The following DHX57 variants were observed in gnomAD, a reference collection of about 807,000 sequenced individuals.
DHX57 encodes the protein DExH-box helicase 57, also known as putative ATP-dependent RNA helicase DHX57.
DHX57 carries 105 observed loss-of-function variants against 156.2 expected under a neutral mutation model. The observed-to-expected ratio is 0.67, with a 90% CI of 0.57 to 0.79. The LOEUF (loss-of-function observed/expected upper bound fraction) is 0.79. Among genes scored for constraint, DHX57 ranks in the 30% least tolerant of loss-of-function variants. DHX57 has a pLI of 0.00. For synonymous variants in DHX57, 704 were observed against 595.6 expected (o/e 1.18, Z -2.65); for missense variants, 1,847 against 1,661.9 (o/e 1.11, Z -1.94).
At position 38,806,449 on chromosome 2, in the gene DHX57, G is replaced by A. The variant is rs1484584499; in HGVS notation, c.3816+110C>T. The A allele has an allele frequency of 1.6e-5, 18 of 1,150,246 alleles. No homozygotes were observed. The Admixed American group carries it at 1.9e-4, about 12-fold the overall frequency. 71.3% of individuals were successfully genotyped at this position (1,150,246 alleles called of 1,614,324 possible). A position where few individuals can be genotyped will look rare whatever the true frequency, so the allele number is the denominator to read the frequency against. ...CTTATTCAATCTTCCCTCAGTCAGT[G>A]GTATTGCTGGGGACAGCAAGTGATA... On this transcript the variant is annotated intron_variant, in intron 22 of 23. Coordinates refer to ENST00000457308, the MANE Select transcript of DHX57 (RefSeq NM_198963.3).
At chr2:38,858,431 CTG>C (rs10573961) in intron 6 of DHX57, among the ~76,000 whole-genome samples, 84,019 of 151,876 alleles carry the variant, frequency 0.55, 24,851 homozygotes, top group East Asian at 0.81. Context: ...GCACATGACT[CTG>C]AGACTATTTG....
intron 21 of DHX57, among the ~76,000 whole-genome samples, chr2:38,810,087 G>A (rs1670163102): frequency 6.6e-6 from 1 of 151,504 alleles, no homozygotes; most frequent in Non-Finnish European, 1.5e-5. Context: ...TAGAGATGGG[G>A]TTTCACCATG....
chr2:38,804,242 G>A (rs1054224391), intron 22 of DHX57, among the ~76,000 whole-genome samples: 2 of 152,198 alleles, frequency 1.3e-5, no homozygotes, highest in Admixed American at 6.5e-5. Flanking sequence ...TGTAATCCCA[G>A]CACTTTGGGA....
rs763927385 is a variant in DHX57 at position 38,825,874 on chromosome 2, C to T, written c.2987G>A (p.Arg996Lys). 8 of 1,613,968 alleles carry T rather than the reference C, an allele frequency of 5.0e-6. No homozygotes were observed. The South Asian group carries it at 5.5e-5, about 11-fold the overall frequency. The change falls in exon 16 of 24, where the codon AGA (arginine) becomes AAA (lysine). Residue 996 changes from arginine to lysine, a missense_variant. Arg to Lys is a conservative substitution (Grantham distance 26, BLOSUM62 2). Coordinates refer to ENST00000457308, the MANE Select transcript of DHX57 (RefSeq NM_198963.3). ...LLKQQLPEIQ[R>K]VPLEQLCLRI... is the part of the protein sequence containing the mutation. ...TAGACACAGCTGTTCCAATGGCACT[C>T]TTTGTATTTCTGGTAGCTGTTGTTT...
intron 13 of DHX57, among the ~76,000 whole-genome samples, chr2:38,831,058 ACT>A (rs1229925200): frequency 2.0e-5 from 3 of 152,028 alleles, no homozygotes; most frequent in Non-Finnish European, 2.9e-5. Context: ...ACAAAGTGAA[ACT>A]CTGTCTCAAA....
intron 2 of DHX57, among the ~76,000 whole-genome samples, chr2:38,865,526 C>G (rs1357261699): frequency 6.6e-6 from 1 of 152,136 alleles, no homozygotes; most frequent in Non-Finnish European, 1.5e-5. Context: ...TTGGGTATGT[C>G]CTTATAGCAG....
At chr2:38,871,888 T>G (rs1486656981) in intron 1 of DHX57, among the ~76,000 whole-genome samples, 1 of 152,046 alleles carries the variant, frequency 6.6e-6, no homozygotes, top group Non-Finnish European at 1.5e-5. Flanking sequence ...TTTTGTATTT[T>G]TAGTAGAGAC....
At chr2:38,810,921 C>T (rs1670210992) in intron 21 of DHX57, 1 of 815,760 alleles carries the variant, frequency 1.2e-6, no homozygotes, top group East Asian at 2.7e-5. Flanking sequence ...CATTCAGGTA[C>T]ATGAAGAGCA....
At chr2:38,833,614 G>A (rs6746931) in intron 13 of DHX57, among the ~76,000 whole-genome samples, 16,510 of 152,104 alleles carry the variant, frequency 0.11, 950 homozygotes, top group African/African-American at 0.13. Flanking sequence ...GAAGGCTACC[G>A]GGATGGGAAG....
chr2:38,828,309 T>C, intron 14 of DHX57, 31 bp downstream of exon 14: 2 of 1,554,248 alleles, frequency 1.3e-6, no homozygotes, highest in Non-Finnish European at 1.8e-6. Flanking sequence ...CTGCAATGGA[T>C]GATTAAGAAT....
chr2:38,816,480 C>T (rs1256695168), intron 19 of DHX57, among the ~76,000 whole-genome samples: 15 of 151,820 alleles, frequency 9.9e-5, no homozygotes, highest in Admixed American at 9.9e-4. Flanking sequence ...CCTCCCAAAG[C>T]GCTGAGATTA....
At chr2:38,841,848 A>G (rs886334096) in intron 12 of DHX57, among the ~76,000 whole-genome samples, 1 of 152,204 alleles carries the variant, frequency 6.6e-6, no homozygotes, top group African/African-American at 2.4e-5. Context: ...AGAGTCTGGC[A>G]TGGGAGGAGG....
intron 2 of DHX57, among the ~76,000 whole-genome samples, chr2:38,866,142 G>A (rs1368126474): frequency 1.3e-5 from 2 of 152,092 alleles, no homozygotes; most frequent in Non-Finnish European, 2.9e-5. Context: ...AACAACTCTG[G>A]CCAGACTGAC....
At chr2:38,817,462 G>C (rs904664667) in intron 19 of DHX57, among the ~76,000 whole-genome samples, 6 of 151,926 alleles carry the variant, frequency 3.9e-5, no homozygotes, top group Non-Finnish European at 8.8e-5. Flanking sequence ...TTACAGGTAT[G>C]AGCCACCATG....
At chr2:38,874,931 A>T (rs1292895869) in intron 1 of DHX57, among the ~76,000 whole-genome samples, 1 of 152,228 alleles carries the variant, frequency 6.6e-6, no homozygotes, top group Non-Finnish European at 1.5e-5. Flanking sequence ...TGAAATAACA[A>T]ATCAGTTAGA....
chr2:38,811,322 G>C, intron 21 of DHX57: 1 of 525,112 alleles, frequency 1.9e-6, no homozygotes, highest in Non-Finnish European at 3.8e-6. Context: ...CTTTCCCATG[G>C]CACTGTGGGA....
At chr2:38,842,945 T>C in intron 12 of DHX57, 60 bp downstream of exon 12, 1 of 1,551,350 alleles carries the variant, frequency 6.4e-7, no homozygotes, top group Non-Finnish European at 8.9e-7. Context: ...CGAATCTTGG[T>C]AAGAAAGAAT....
chr2:38,819,999 A>G (rs867695628), intron 17 of DHX57, among the ~76,000 whole-genome samples: 3 of 152,144 alleles, frequency 2.0e-5, no homozygotes, highest in Non-Finnish European at 2.9e-5. Flanking sequence ...ATATTTCTCT[A>G]CCTTCTCAGG....
At chr2:38,848,241 T>C in intron 10 of DHX57, 28 bp downstream of exon 10, 22 of 1,558,182 alleles carry the variant, frequency 1.4e-5, no homozygotes, top group Non-Finnish European at 1.8e-5. Flanking sequence ...ATTAGAATGA[T>C]ACATATTTAA....
Sources: allele counts gnomAD v4.1 joint callset (sites outside exome capture counted in the v4.1 genomes callset), GRCh38; gene constraint gnomAD v4.1.1; transcripts MANE v1.5; gene names NCBI Gene and HGNC (gene_info 2026-07-23, HGNC 2026-07-21).